Variants in COL28A1 observed in about 807,000 individuals in gnomAD.
COL28A1 encodes collagen type XXVIII alpha 1 chain, also known as collagen alpha-1(XXVIII) chain.
Under a neutral mutation model 150.2 loss-of-function variants are expected in COL28A1, and 161 were observed. That is an observed-to-expected ratio of 1.07 (90% CI 0.94 to 1.22). The LOEUF (loss-of-function observed/expected upper bound fraction) is 1.22. Among genes scored for constraint, COL28A1 ranks in the 50% most tolerant of loss-of-function variants. The pLI, the probability that COL28A1 is intolerant of heterozygous loss-of-function variation, is 0.00. For synonymous variants in COL28A1, 552 were observed against 469.7 expected (o/e 1.18, Z -2.26); for missense variants, 1,617 against 1,388.3 (o/e 1.16, Z -2.62).
At chr7:7,493,292 G>T (rs755944090) in intron 11 of COL28A1, among the ~76,000 whole-genome samples, 4 of 152,048 alleles carry the variant, frequency 2.6e-5, no homozygotes, top group African/African-American at 9.6e-5. Flanking sequence ...GCCCTACTTG[G>T]TACTTATCTG....
At chr7:7,515,062 A>G (rs745914954) in intron 8 of COL28A1, among the ~76,000 whole-genome samples, 1 of 152,162 alleles carries the variant, frequency 6.6e-6, no homozygotes, top group Non-Finnish European at 1.5e-5. Context: ...TGGACCCTCT[A>G]AAGTTCTAGC....
At chr7:7,358,833 C>T (rs371301464) in intron 34 of COL28A1, 28 bp from the exon 35 acceptor site, 17 of 1,574,726 alleles carry the variant, frequency 1.1e-5, no homozygotes, top group African/African-American at 4.1e-5. Context: ...AAATGTGTCA[C>T]GGATTTTTCT....
intron 15 of COL28A1, among the ~76,000 whole-genome samples, chr7:7,463,653 C>G (rs1397241531): frequency 6.6e-6 from 1 of 152,182 alleles, no homozygotes; most frequent in Non-Finnish European, 1.5e-5. Flanking sequence ...CCCAGCACTA[C>G]AAGAACTGCC....
chr7:7,452,561 G>A (rs1016918308), intron 17 of COL28A1, among the ~76,000 whole-genome samples, 174 bp from the exon 18 acceptor site: 2 of 152,232 alleles, frequency 1.3e-5, no homozygotes, highest in African/African-American at 2.4e-5. Context: ...GAATATATAT[G>A]TAAATGAAAA....
At chr7:7,427,194 T>C (rs573769742) in intron 25 of COL28A1, among the ~76,000 whole-genome samples, 3 of 152,282 alleles carry the variant, frequency 2.0e-5, no homozygotes, top group African/African-American at 4.8e-5. Context: ...TATAACTGCA[T>C]TGGGGAGTAA....
chr7:7,428,822 G>T (rs1400471477), intron 25 of COL28A1, among the ~76,000 whole-genome samples: 1 of 152,176 alleles, frequency 6.6e-6, no homozygotes, highest in Non-Finnish European at 1.5e-5. Context: ...GTTTTTACAA[G>T]AATTTTAGAA....
chr7:7,460,604 G>A (rs959535036), intron 15 of COL28A1, among the ~76,000 whole-genome samples: 3 of 151,934 alleles, frequency 2.0e-5, no homozygotes, highest in Non-Finnish European at 4.4e-5. Context: ...GGATGGTCTC[G>A]ATCTCCTGAC....
chr7:7,370,445 CA>C (rs1264653751), intron 33 of COL28A1, among the ~76,000 whole-genome samples: 5 of 152,158 alleles, frequency 3.3e-5, no homozygotes, highest in African/African-American at 1.2e-4. Flanking sequence ...TTTCAGCATA[CA>C]TGGTTACTTT....
downstream of COL28A1, among the ~76,000 whole-genome samples, chr7:7,355,223 TA>T (rs1288850973): frequency 4.6e-5 from 7 of 152,194 alleles, no homozygotes; most frequent in South Asian, 1.2e-3. Context: ...AACAATCCAA[TA>T]AAGAAAATCT....
intron 30 of COL28A1, among the ~76,000 whole-genome samples, chr7:7,379,107 C>T (rs1002810201): frequency 4.6e-5 from 7 of 152,102 alleles, no homozygotes; most frequent in Admixed American, 3.3e-4. Flanking sequence ...ATGTGCATGC[C>T]CTTTGGCCCC....
At chr7:7,529,073 G>T (rs956217931) in intron 3 of COL28A1, among the ~76,000 whole-genome samples, 13 of 152,002 alleles carry the variant, frequency 8.6e-5, no homozygotes, top group African/African-American at 2.9e-4. Context: ...AGGCCGAGGC[G>T]GGCAGATCAC....
intron 27 of COL28A1, among the ~76,000 whole-genome samples, chr7:7,407,157 AT>A (rs1392978810): frequency 6.6e-6 from 1 of 152,000 alleles, no homozygotes; most frequent in Admixed American, 6.6e-5. Context: ...GATTGAAAAA[AT>A]ATATATAAAA....
intron 17 of COL28A1, among the ~76,000 whole-genome samples, chr7:7,452,623 T>G (rs992427590): frequency 6.6e-6 from 1 of 152,210 alleles, no homozygotes; most frequent in Non-Finnish European, 1.5e-5. Context: ...ATAGGCCACA[T>G]AGCATATTCA....
chr7:7,400,148 G>C (rs1237272583), intron 27 of COL28A1, among the ~76,000 whole-genome samples: 1 of 152,186 alleles, frequency 6.6e-6, no homozygotes, highest in Non-Finnish European at 1.5e-5. Context: ...TTTAATACTT[G>C]AGTAGGCTAA....
chr7:7,432,582 G>C, intron 24 of COL28A1, 41 bp from the exon 25 acceptor site: 1 of 1,610,598 alleles, frequency 6.2e-7, no homozygotes, highest in South Asian at 1.1e-5. Context: ...CATCCTTGTA[G>C]TATGCAACAC....
At chr7:7,404,311 G>A (rs1222777498) in intron 27 of COL28A1, among the ~76,000 whole-genome samples, 2 of 151,096 alleles carry the variant, frequency 1.3e-5, no homozygotes, top group Non-Finnish European at 3.0e-5. Context: ...ACTGCCCCCA[G>A]GAGACAGTTA....
intron 27 of COL28A1, among the ~76,000 whole-genome samples, chr7:7,396,244 A>G (rs1055969562): frequency 4.6e-5 from 7 of 152,130 alleles, no homozygotes; most frequent in Admixed American, 3.9e-4. Context: ...TCCTACTGTA[A>G]CCAGCAACTG....
At chr7:7,514,731 C>G (rs1035075076) in intron 8 of COL28A1, among the ~76,000 whole-genome samples, 7 of 152,242 alleles carry the variant, frequency 4.6e-5, no homozygotes, top group Admixed American at 3.3e-4. Flanking sequence ...CCAGACATAG[C>G]CCCCTGCAGC....
At chr7:7,493,097 C>G (rs940454729) in intron 11 of COL28A1, among the ~76,000 whole-genome samples, 1 of 147,502 alleles carries the variant, frequency 6.8e-6, no homozygotes, top group South Asian at 2.1e-4. Context: ...ATAATAATAT[C>G]TACCCACTGC....
Sources: allele counts gnomAD v4.1 joint callset (sites outside exome capture counted in the v4.1 genomes callset), GRCh38; gene constraint gnomAD v4.1.1; transcripts MANE v1.5; gene names NCBI Gene and HGNC (gene_info 2026-07-23, HGNC 2026-07-21).